The following KIAA1549 variants were observed in gnomAD, a reference collection of about 807,000 sequenced individuals.
KIAA1549 encodes KIAA1549.
Under a neutral mutation model 156.4 loss-of-function variants are expected in KIAA1549, and 70 were observed. The ratio of observed to expected loss-of-function variants is 0.45; its 90% CI spans 0.37 to 0.55. KIAA1549 has a LOEUF of 0.55. KIAA1549 is among the 20% of genes least tolerant of loss of function. The pLI is 0.00. For missense variants in KIAA1549, 2,428 were observed against 2,540.9 expected, an observed-to-expected ratio of 0.96 and a Z score of 0.96; for synonymous variants, 1,103 against 1,066.4, an observed-to-expected ratio of 1.03 and a Z score of -0.67.
At chr7:138,929,309 GTT>G (rs1198026946) in intron 1 of KIAA1549, among the ~76,000 whole-genome samples, 1 of 152,170 alleles carries the variant, frequency 6.6e-6, no homozygotes, top group Non-Finnish European at 1.5e-5. Flanking sequence ...CCAGCACTAG[GTT>G]CCATCTCAAG....
chr7:138,959,437 C>T (rs1813772885), intron 1 of KIAA1549, among the ~76,000 whole-genome samples: 1 of 152,128 alleles, frequency 6.6e-6, no homozygotes, highest in African/African-American at 2.4e-5. Flanking sequence ...GGAGTGGGGG[C>T]TTATGGCAGA....
intron 1 of KIAA1549, among the ~76,000 whole-genome samples, chr7:138,954,660 C>T (rs1813609850): frequency 6.6e-6 from 1 of 152,136 alleles, no homozygotes; most frequent in Non-Finnish European, 1.5e-5. Context: ...TTGGATCACC[C>T]CTCCGGATGT....
intron 17 of KIAA1549, among the ~76,000 whole-genome samples, chr7:138,845,912 C>T (rs909649523): frequency 6.6e-6 from 1 of 152,172 alleles, no homozygotes; most frequent in African/African-American, 2.4e-5. Flanking sequence ...TCTGAATAAC[C>T]ACTTCTGCCA....
chr7:138,834,270 G>A lies in KIAA1549; in HGVS notation c.*3636C>T, dbSNP rs535924770. The A allele has an allele frequency of 3.7e-4, 70 of 187,436 alleles. No homozygotes were observed. The highest frequency in any genetic ancestry group is 5.9e-4 in the South Asian group (3 of 5,122). 11.6% of individuals were successfully genotyped at this position (187,436 alleles called of 1,614,324 possible). A position where few individuals can be genotyped will look rare whatever the true frequency, so the allele number is the denominator to read the frequency against. On this transcript the variant is annotated 3_prime_UTR_variant, in exon 20 of 20. Transcript: ENST00000422774. ...CACCCCCCGGGTTCAAGCAATTATCGTGCCTCAGCTGGGACTACAGGCATG... is the reference window on the plus strand; with the variant it reads ...CACCCCCCGGGTTCAAGCAATTATCATGCCTCAGCTGGGACTACAGGCATG...
chr7:138,923,124 T>C (rs545428375), intron 1 of KIAA1549, among the ~76,000 whole-genome samples: 1 of 152,290 alleles, frequency 6.6e-6, no homozygotes, highest in South Asian at 2.1e-4. Context: ...AATCCTCAAG[T>C]GCTGAGAGAA....
rs1169332653 is a variant in KIAA1549, at chr7:138,903,852, T to TGCGC, written c.3521-120_3521-117dup. 1.4e-4 allele frequency: 40 copies of TGCGC among 287,450 alleles called. 1 individual carries two copies. Among genetic ancestry groups the TGCGC allele is most frequent in the East Asian group, 1.2e-3 (11 of 9,230 alleles). 17.8% of individuals were successfully genotyped at this position (287,450 alleles called of 1,614,324 possible). On this transcript the variant is annotated intron_variant, in intron 7 of 19. Coordinates refer to ENST00000422774, the MANE Select transcript of KIAA1549 (RefSeq NM_001164665.2). ...GTGTGTGTGTGTGTGTGTGTGTGTGTGCGCGCGCGCGCGCGCGCACATATG... is the reference window on the plus strand; with the variant it reads ...GTGTGTGTGTGTGTGTGTGTGTGTGTGCGCGCGCGCGCGCGCGCGCGCACATATG...
At chr7:138,922,720 A>G (rs767435352) in intron 1 of KIAA1549, among the ~76,000 whole-genome samples, 24 of 152,030 alleles carry the variant, frequency 1.6e-4, no homozygotes, top group Non-Finnish European at 3.1e-4. Flanking sequence ...TGAAGAAATT[A>G]CTCAGAAAAG....
chr7:138,867,983 C>T lies in KIAA1549; in HGVS notation c.4921G>A (p.Gly1641Arg), dbSNP rs770015513. ...PPGVHNSAYIGCPSDPDLPAD... is the reference protein window; with the variant it reads ...PPGVHNSAYIRCPSDPDLPAD... ...GAGTCGGTGGCACGCACTGGGCATCCGATGTAGGCTGAGTTGTGGACGCCG... is the reference window on the plus strand; with the variant it reads ...GAGTCGGTGGCACGCACTGGGCATCTGATGTAGGCTGAGTTGTGGACGCCG... Residue 1641 changes from glycine (G) to arginine (R), a missense_variant, in exon 15 of 20, where the codon GGA becomes AGA. Coordinates refer to ENST00000422774, the MANE Select transcript of KIAA1549 (RefSeq NM_001164665.2). The T allele has an allele frequency of 1.4e-5, 22 of 1,613,440 alleles. No individual in the cohort carries two copies. Among genetic ancestry groups the T allele is most frequent in the Non-Finnish European group, 1.6e-5 (19 of 1,179,600 alleles).
rs749938588 is a variant in KIAA1549 at position 138,832,191 on chromosome 7, C to CTTTTTTTTTTTTTTTTTT, written c.*5697_*5714dup. On this transcript the variant is annotated 3_prime_UTR_variant, in exon 20 of 20. Coordinates refer to ENST00000422774, the MANE Select transcript of KIAA1549 (RefSeq NM_001164665.2). ...TCACCTCTGTCCCTTTTACCTATTC[C>CTTTTTTTTTTTTTTTTTT]TTTTTTTTTTTTTTTTTTTTCCAGA... 1.1e-4 allele frequency: 16 copies of CTTTTTTTTTTTTTTTTTT among 143,770 alleles called. No homozygotes were observed. The highest frequency in any genetic ancestry group is 4.3e-4 in the African/African-American group (13 of 29,988). The allele number at this position is 143,770 out of a possible 1,614,324, so 8.9% of individuals were successfully genotyped here.
Position 138,844,391 on chromosome 7 carries a change from G to A in KIAA1549, c.5378C>T (p.Pro1793Leu), listed in dbSNP as rs968011248. ...PQQPQASAEA[P>L]FAARGIYSEE... The stretch of plus-strand genomic sequence containing the variant: ...CGAGTAGATCCCTCTGGCAGCAAAT[G>A]GGGCTTCGGCGGAGGCCTGTGGCTG... Residue 1793 changes from proline (P) to leucine (L), a missense_variant, in exon 18 of 20, where the codon CCA becomes CTA. By Grantham distance (98) the Pro-to-Leu change is moderately conservative (BLOSUM62 -3). This residue lies in a region of KIAA1549 where 363 missense variants were observed against 354.0 expected (regional missense o/e 1.03). Transcript: ENST00000422774. 8.7e-6 allele frequency: 14 copies of A among 1,610,848 alleles called. No individual in the cohort carries two copies. The highest frequency in any genetic ancestry group is 3.3e-5 in the South Asian group (3 of 90,706).
intron 10 of KIAA1549, among the ~76,000 whole-genome samples, chr7:138,891,177 T>C (rs1811535453): frequency 6.6e-6 from 1 of 152,268 alleles, no homozygotes; most frequent in African/African-American, 2.4e-5. Flanking sequence ...GTGCTATTTG[T>C]GTTGGTAACT....
At chr7:138,841,514 G>C (rs1286285101) in intron 18 of KIAA1549, among the ~76,000 whole-genome samples, 1 of 152,148 alleles carries the variant, frequency 6.6e-6, no homozygotes, top group Non-Finnish European at 1.5e-5. Context: ...CTGTCGTATG[G>C]AAATATACCT....
At chr7:138,978,383 T>C (rs1432409824) in intron 1 of KIAA1549, among the ~76,000 whole-genome samples, 1 of 152,228 alleles carries the variant, frequency 6.6e-6, no homozygotes, top group Non-Finnish European at 1.5e-5. Context: ...TTTTATACTG[T>C]GGATGGCTAA....
Position 138,833,594 on chromosome 7 carries a change from G to A in KIAA1549, c.*4312C>T, listed in dbSNP as rs902059396. On this transcript the variant is annotated 3_prime_UTR_variant, in exon 20 of 20. Transcript: ENST00000422774. ...TCTGCCACCCAAATCAAAACACTAT[G>A]AAATTAATAAAATTTGGAGAAAAAT... The A allele has an allele frequency of 4.3e-6, 1 of 232,308 alleles. No homozygotes were observed. The highest frequency in any genetic ancestry group is 8.5e-6 in the Non-Finnish European group (1 of 117,484). 14.4% of individuals were successfully genotyped at this position (232,308 alleles called of 1,614,324 possible). A position where few individuals can be genotyped will look rare whatever the true frequency, so the allele number is the denominator to read the frequency against.
At position 138,919,099 on chromosome 7, in the gene KIAA1549, T is replaced by C. The variant is rs186173304; in HGVS notation, c.527A>G (p.Gln176Arg). ...CCCTGGTGGGCTGACTGTGATATAC[T>C]GTATTGGAGAAACCATCCGTGGAGT... ...WTTPRMVSPI[Q>R]YITVSPPGLP... Residue 176 changes from glutamine to arginine, a missense_variant, in exon 2 of 20, where the codon CAG becomes CGG. Physicochemically the swap from Gln to Arg is conservative, Grantham distance 43. Around this residue, in one of 5 missense-constraint regions of KIAA1549, gnomAD observed 893 missense variants for 847.9 expected, o/e 1.05. Coordinates refer to ENST00000422774, the MANE Select transcript of KIAA1549 (RefSeq NM_001164665.2). 4 of 1,614,022 alleles carry C rather than the reference T, an allele frequency of 2.5e-6. No homozygotes were observed. In the African/African-American group the frequency reaches 5.3e-5, roughly 22 times the overall value.
Position 138,918,837 on chromosome 7 carries a change from G to C in KIAA1549, c.789C>G (p.Ser263Arg), listed in dbSNP as rs746388252. 1 of 1,614,022 alleles carries C rather than the reference G, an allele frequency of 6.2e-7. No homozygotes were observed. The highest frequency in any genetic ancestry group is 2.2e-5 in the East Asian group (1 of 44,870). ...YPTDAYSHLS[S>R]RTLPEIVASL... ...AAGCCACAATCTCTGGCAGAGTCCT[G>C]CTTGATAAATGACTGTAAGCATCAG... The change falls in exon 2 of 20, where the codon AGC (serine) becomes AGG (arginine). Residue 263 changes from serine to arginine, a missense_variant. Physicochemically the swap from Ser to Arg is moderately radical, Grantham distance 110. Transcript: ENST00000422774. This position sits in a 1 kb window ranked among gnomAD's most constrained non-coding sequence, Gnocchi z 4.2.
rs905085418 is a variant in KIAA1549, at chr7:138,918,259, A to G, written c.1367T>C (p.Leu456Pro). Residue 456 changes from leucine (L) to proline (P), a missense_variant, in exon 2 of 20, where the codon CTG (leucine) becomes CCG (proline). Around this residue, in one of 5 missense-constraint regions of KIAA1549, gnomAD observed 893 missense variants for 847.9 expected, o/e 1.05. Coordinates refer to ENST00000422774, the MANE Select transcript of KIAA1549 (RefSeq NM_001164665.2). This position sits in a 1 kb window ranked among gnomAD's most constrained non-coding sequence, Gnocchi z 4.2. ...CATTAGAGAGATGCTGCTTTCTTCC[A>G]GCACGGTCATGCACAGAGTCTCGGC... The part of the protein sequence containing the change: ...DGAETLCMTV[L>P]EESSISLMSS... 1 of 1,614,020 alleles carries G rather than the reference A, an allele frequency of 6.2e-7. No homozygotes were observed.
At chr7:138,860,136 C>T (rs1810530316) in intron 16 of KIAA1549, among the ~76,000 whole-genome samples, 1 of 152,146 alleles carries the variant, frequency 6.6e-6, no homozygotes, top group South Asian at 2.1e-4. Context: ...CATGCATTTC[C>T]TGAAATATTA....
At chr7:138,922,951 G>A (rs1198427037) in intron 1 of KIAA1549, among the ~76,000 whole-genome samples, 1 of 151,722 alleles carries the variant, frequency 6.6e-6, no homozygotes, top group African/African-American at 2.4e-5. Flanking sequence ...CCCAAGGAGG[G>A]TGAATTAAAA....
Sources: gnomAD v4.1 joint callset for allele counts (sites outside exome capture counted in the v4.1 genomes callset) on GRCh38, gnomAD v4.1.1 for gene constraint, gnomAD v4.1.1 regional missense constraint, Gnocchi (gnomAD v3.1) non-coding constraint, MANE v1.5 for transcripts, NCBI Gene and HGNC (gene_info 2026-07-23, HGNC 2026-07-21) for gene names.